The following ARID3A variants were observed in gnomAD, a reference collection of about 807,000 sequenced individuals.
ARID3A encodes the protein AT-rich interactive domain-containing protein 3A.
In ARID3A, 11 loss-of-function variants were observed where a neutral mutation model predicts 52.7. The observed-to-expected ratio is 0.21, with a 90% CI of 0.13 to 0.35. The LOEUF (loss-of-function observed/expected upper bound fraction) is 0.35. Among genes scored for constraint, ARID3A ranks in the 10% least tolerant of loss-of-function variants. The pLI, the probability that ARID3A is intolerant of heterozygous loss-of-function variation, is 1.00. For synonymous variants in ARID3A, 404 were observed against 359.4 expected, an observed-to-expected ratio of 1.12 and a Z score of -1.40; for missense variants, 721 against 838.5, an observed-to-expected ratio of 0.86 and a Z score of 1.73.
intron 3 of ARID3A, among the ~76,000 whole-genome samples, chr19:940,344 C>T (rs1015543323): frequency 3.3e-5 from 5 of 151,746 alleles, no homozygotes; most frequent in African/African-American, 1.2e-4. Context: ...GAAATGTACG[C>T]GTTTGCACTG....
At chr19:962,648 G>A (rs190524031) in intron 4 of ARID3A, among the ~76,000 whole-genome samples, 61 of 151,488 alleles carry the variant, frequency 4.0e-4, no homozygotes, top group African/African-American at 1.5e-3. Context: ...CTGAGTAGCT[G>A]GGATTACAGG....
chr19:948,628 T>G (rs1047196630), intron 3 of ARID3A, among the ~76,000 whole-genome samples: 2 of 151,344 alleles, frequency 1.3e-5, no homozygotes, highest in African/African-American at 2.4e-5. Context: ...TCTTCATTCC[T>G]GCCTCATCTG....
At chr19:949,211 C>T (rs574589887) in intron 3 of ARID3A, among the ~76,000 whole-genome samples, 1 of 152,112 alleles carries the variant, frequency 6.6e-6, no homozygotes, top group South Asian at 2.1e-4. Flanking sequence ...TGTGGGGAGG[C>T]AGTGCTGGGT....
At position 959,663 on chromosome 19, in the gene ARID3A, A is replaced by T. The variant is rs1428542078; in HGVS notation, c.694-429A>T. The stretch of plus-strand genomic sequence containing the variant: ...ACGTGTGGCTGTAAGGGAGTTAAGG[A>T]TCGATTTGAGATGAGGTGGCCCTAA... On this transcript the variant is annotated intron_variant, in intron 3 of 8. Transcript: ENST00000263620. The surrounding 1 kb of genome is among the most constrained non-coding windows in gnomAD (Gnocchi z 5.0). Among the ~76,000 whole-genome samples the T allele has an allele frequency of 1.3e-5, 2 of 152,000 alleles. No homozygotes were observed. The highest frequency in any genetic ancestry group is 2.9e-5 in the Non-Finnish European group (2 of 68,000).
In ARID3A at chr19:960,224, G is replaced by A. The variant is rs185287816; in HGVS notation, c.766+60G>A. On this transcript the variant is annotated intron_variant, in intron 4 of 8. Coordinates refer to ENST00000263620, the MANE Select transcript of ARID3A (RefSeq NM_005224.3). This position sits in a 1 kb window ranked among gnomAD's most constrained non-coding sequence, Gnocchi z 4.3. ...TCACAGAAACAGGGCTGTAGGAGGG[G>A]CCCTACTGGCTCCAGGTATGTCGGG... 5.0e-5 allele frequency: 74 copies of A among 1,489,382 alleles called. No individual in the cohort carries two copies. The East Asian group carries it at 1.6e-3, about 33-fold the overall frequency. The allele number at this position is 1,489,382 out of a possible 1,614,324, so 92.3% of individuals were successfully genotyped here.
intron 3 of ARID3A, among the ~76,000 whole-genome samples, chr19:958,972 C>T (rs1306255734): frequency 6.6e-6 from 1 of 152,230 alleles, no homozygotes. Context: ...GCTCACGTTG[C>T]CACTGCCTAC....
At chr19:957,663 A>G (rs1447320434) in intron 3 of ARID3A, among the ~76,000 whole-genome samples, 2 of 152,168 alleles carry the variant, frequency 1.3e-5, no homozygotes, top group East Asian at 1.9e-4. Context: ...CAACATAGAA[A>G]GACCCATCTC....
rs77941123 is a variant in ARID3A at position 950,409 on chromosome 19, T to G, written c.694-9683T>G. 1.2e-4 allele frequency among the ~76,000 whole-genome samples: 17 copies of G among 144,678 alleles called. No individual in the cohort carries two copies. The East Asian group carries it at 1.4e-3, about 12-fold the overall frequency. 94.9% of individuals were successfully genotyped at this position (144,678 alleles called of 152,430 possible). On this transcript the variant is annotated intron_variant, in intron 3 of 8. Transcript: ENST00000263620. The stretch of plus-strand genomic sequence containing the variant: ...TGGATGGATGAGGCCGTCCCCAGAG[T>G]GAATGGATGAGCACCCAGCCTGAGC...
rs950860202 is a variant in ARID3A at position 960,221 on chromosome 19, G to A, written c.766+57G>A. On this transcript the variant is annotated intron_variant, in intron 4 of 8. Coordinates refer to ENST00000263620, the MANE Select transcript of ARID3A (RefSeq NM_005224.3). This position sits in a 1 kb window ranked among gnomAD's most constrained non-coding sequence, Gnocchi z 4.3. ...AGGTCACAGAAACAGGGCTGTAGGAGGGGCCCTACTGGCTCCAGGTATGTC... is the reference window on the plus strand; with the variant it reads ...AGGTCACAGAAACAGGGCTGTAGGAAGGGCCCTACTGGCTCCAGGTATGTC... 6.6e-6 allele frequency: 10 copies of A among 1,514,570 alleles called. No homozygotes were observed. The East Asian group carries it at 7.2e-5, about 11-fold the overall frequency. 93.8% of individuals were successfully genotyped at this position (1,514,570 alleles called of 1,614,324 possible). A position where few individuals can be genotyped will look rare whatever the true frequency, so the allele number is the denominator to read the frequency against.
intron 3 of ARID3A, among the ~76,000 whole-genome samples, chr19:948,323 G>A (rs2037730054): frequency 1.3e-5 from 2 of 152,012 alleles, no homozygotes; most frequent in African/African-American, 2.4e-5. Context: ...TGACAGCCCC[G>A]TGTGGCTGGC....
In ARID3A at chr19:932,664, C is replaced by T. The variant is rs553201126; in HGVS notation, c.615C>T (p.Pro205=). The T allele has an allele frequency of 3.8e-5, 59 of 1,545,428 alleles. No homozygotes were observed. Among genetic ancestry groups the T allele is most frequent in the East Asian group, 4.9e-5 (2 of 40,728 alleles). Residue 205 remains proline, a synonymous_variant, in exon 3 of 9, where the codon CCC becomes CCT. Transcript: ENST00000263620. ...GGCCGGGGCCTGGCCCTGCCCACCC[C>T]GGAGGGGCCGCCCACGTAGCCCCGC... ...QERPGPGPAH[P]GGAAHVAPQL... is the part of the protein sequence containing the mutation.
Position 947,328 on chromosome 19 carries a change from G to A in ARID3A, c.694-12764G>A, listed in dbSNP as rs539144308. Among the ~76,000 whole-genome samples the A allele has an allele frequency of 2.6e-5, 4 of 152,218 alleles. No homozygotes were observed. Among genetic ancestry groups the A allele is most frequent in the Non-Finnish European group, 4.4e-5 (3 of 67,992 alleles). On this transcript the variant is annotated intron_variant, in intron 3 of 8. Coordinates refer to ENST00000263620, the MANE Select transcript of ARID3A (RefSeq NM_005224.3). This position sits in a 1 kb window ranked among gnomAD's most constrained non-coding sequence, Gnocchi z 6.3. ...GCCCCAGATTTCCACGTCATATCTCGCCGCCATGGGGCTGCCTCCTGCCTC... is the reference window on the plus strand; with the variant it reads ...GCCCCAGATTTCCACGTCATATCTCACCGCCATGGGGCTGCCTCCTGCCTC...
chr19:952,127 C>T lies in ARID3A; in HGVS notation c.694-7965C>T, dbSNP rs545651603. 4.0e-5 allele frequency among the ~76,000 whole-genome samples: 6 copies of T among 151,666 alleles called. No individual in the cohort carries two copies. In the East Asian group the frequency reaches 5.8e-4, roughly 15 times the overall value. On this transcript the variant is annotated intron_variant, in intron 3 of 8. Transcript: ENST00000263620. The stretch of plus-strand genomic sequence containing the variant: ...CTGTACTCCAGCCTGAGCGACAGAG[C>T]GAGACTCGGTCTCAAAACAAAAACA...
intron 3 of ARID3A, among the ~76,000 whole-genome samples, chr19:956,984 T>C (rs2037931860): frequency 6.6e-6 from 1 of 152,206 alleles, no homozygotes; most frequent in African/African-American, 2.4e-5. Context: ...GCCAGCCACA[T>C]TCCCCCGAGC....
chr19:930,760 T>G lies in ARID3A; in HGVS notation c.368+864T>G, dbSNP rs184737686. ...TCCTGACCTCATGATCTGCCTGCCT[T>G]GGCCTCCCAAAGTGCTGGGATTACA... On this transcript the variant is annotated intron_variant, in intron 2 of 8. Transcript: ENST00000263620. 1.1e-4 allele frequency among the ~76,000 whole-genome samples: 17 copies of G among 151,116 alleles called. No homozygotes were observed. The East Asian group carries it at 3.4e-3, about 30-fold the overall frequency.
At chr19:931,829 A>G (rs977788608) in intron 2 of ARID3A, among the ~76,000 whole-genome samples, 1 of 151,890 alleles carries the variant, frequency 6.6e-6, no homozygotes, top group African/African-American at 2.4e-5. Flanking sequence ...AAGACAAAAA[A>G]AAAAAAACGG....
chr19:936,574 G>C (rs1192245143), intron 3 of ARID3A, among the ~76,000 whole-genome samples: 1 of 152,116 alleles, frequency 6.6e-6, no homozygotes, highest in Non-Finnish European at 1.5e-5. Context: ...TGGGTGCAGT[G>C]GCTCACGTCT....
At chr19:967,088 T>C (rs1275639348) in intron 7 of ARID3A, among the ~76,000 whole-genome samples, 1 of 151,782 alleles carries the variant, frequency 6.6e-6, no homozygotes, top group South Asian at 2.1e-4. Context: ...TGAAACTCCA[T>C]CTCTACTAAA....
At chr19:969,835 T>C (rs943569972) in intron 8 of ARID3A, among the ~76,000 whole-genome samples, 1,860 of 150,966 alleles carry the variant, frequency 0.012, 44 homozygotes, top group African/African-American at 0.043. Flanking sequence ...ACTACAGGCG[T>C]GTGTCACCAC....
Sources: allele counts gnomAD v4.1 joint callset (sites outside exome capture counted in the v4.1 genomes callset), GRCh38; gene constraint gnomAD v4.1.1; non-coding constraint Gnocchi (gnomAD v3.1); transcripts MANE v1.5; gene names NCBI Gene and HGNC (gene_info 2026-07-23, HGNC 2026-07-21).